Variants in LCLAT1 observed in about 807,000 individuals in gnomAD.
The protein encoded by LCLAT1 is 1-AGP acyltransferase 8.
LCLAT1 carries 11 observed loss-of-function variants against 30.7 expected under a neutral mutation model. The ratio of observed to expected loss-of-function variants is 0.36; its 90% CI spans 0.23 to 0.59. The LOEUF (loss-of-function observed/expected upper bound fraction) is 0.59, where lower values mean the gene tolerates loss of function less well. LCLAT1 is among the 20% of genes least tolerant of loss of function. The pLI is 0.77. For missense variants in LCLAT1, 402 were observed against 458.6 expected (o/e 0.88, Z 1.13); for synonymous variants, 155 against 151.3 (o/e 1.02, Z -0.18).
At chr2:30,459,531 TC>T in intron 1 of LCLAT1, 1 of 912,034 alleles carries the variant, frequency 1.1e-6, no homozygotes. Context: ...TCTTTTTTTC[TC>T]CCATTTGTCC....
chr2:30,566,982 C>G (rs1665515032), intron 4 of LCLAT1, among the ~76,000 whole-genome samples: 1 of 152,182 alleles, frequency 6.6e-6, no homozygotes, highest in Non-Finnish European at 1.5e-5. Flanking sequence ...TATTAACATA[C>G]TCTGTGCCTG....
At chr2:30,525,463 A>C in intron 1 of LCLAT1, 124 bp from the exon 2 acceptor site, 1 of 733,468 alleles carries the variant, frequency 1.4e-6, no homozygotes, top group Non-Finnish European at 2.3e-6. Flanking sequence ...AGACTCTTAT[A>C]TTGTTTCTTA....
intron 1 of LCLAT1, among the ~76,000 whole-genome samples, chr2:30,464,181 T>C (rs1682309249): frequency 6.6e-6 from 1 of 152,200 alleles, no homozygotes; most frequent in African/African-American, 2.4e-5. Context: ...ATGCTACATA[T>C]TAGTCTGATT....
At chr2:30,453,385 G>A (rs1572461621) in intron 1 of LCLAT1, among the ~76,000 whole-genome samples, 1 of 152,142 alleles carries the variant, frequency 6.6e-6, no homozygotes, top group Non-Finnish European at 1.5e-5. Context: ...GGAATGTTTA[G>A]GTATCTTGGG....
At chr2:30,531,426 G>C (rs1186357264) in intron 2 of LCLAT1, among the ~76,000 whole-genome samples, 2 of 152,152 alleles carry the variant, frequency 1.3e-5, no homozygotes, top group African/African-American at 4.8e-5. Flanking sequence ...GGACCCTTTT[G>C]AAAATTTGAT....
intron 3 of LCLAT1, among the ~76,000 whole-genome samples, chr2:30,551,298 C>A (rs867896803): frequency 6.6e-6 from 1 of 152,204 alleles, no homozygotes; most frequent in Non-Finnish European, 1.5e-5. Context: ...TGAGCCACTG[C>A]GCCTAGCCTG....
intron 1 of LCLAT1, among the ~76,000 whole-genome samples, chr2:30,508,264 G>C (rs1403071920): frequency 1.3e-5 from 2 of 152,006 alleles, no homozygotes; most frequent in African/African-American, 4.8e-5. Context: ...TTCTTTTGCT[G>C]TGCAAAAGTT....
At chr2:30,594,904 TTAATATATACC>T (rs1362142669) in intron 5 of LCLAT1, among the ~76,000 whole-genome samples, 1 of 152,222 alleles carries the variant, frequency 6.6e-6, no homozygotes, top group African/African-American at 2.4e-5. Context: ...AAGCATTATT[TTAATATATACC>T]TATATTTTCC....
intron 3 of LCLAT1, among the ~76,000 whole-genome samples, chr2:30,533,899 T>C (rs965298349): frequency 6.6e-6 from 1 of 152,196 alleles, no homozygotes; most frequent in African/African-American, 2.4e-5. Context: ...TATTTCAACA[T>C]TGCATGTTAA....
chr2:30,469,257 A>G (rs1682639526), intron 1 of LCLAT1, among the ~76,000 whole-genome samples: 1 of 148,016 alleles, frequency 6.8e-6, no homozygotes, highest in Admixed American at 6.7e-5. Flanking sequence ...AGTCCAGTTG[A>G]TTTTTTTTTT....
chr2:30,601,257 T>C (rs377201932), intron 5 of LCLAT1, among the ~76,000 whole-genome samples: 2 of 152,204 alleles, frequency 1.3e-5, no homozygotes, highest in Non-Finnish European at 2.9e-5. Context: ...TGAAGTTCAT[T>C]ATTACCCATA....
chr2:30,599,855 G>GGTCTT (rs1225053861), intron 5 of LCLAT1, among the ~76,000 whole-genome samples: 2 of 151,722 alleles, frequency 1.3e-5, no homozygotes, highest in Non-Finnish European at 2.9e-5. Flanking sequence ...ATGTGAGATG[G>GGTCTT]GTCTTGTCTT....
At chr2:30,465,168 T>C (rs1479899455) in intron 1 of LCLAT1, among the ~76,000 whole-genome samples, 1 of 152,208 alleles carries the variant, frequency 6.6e-6, no homozygotes, top group African/African-American at 2.4e-5. Context: ...AGGGCACTTA[T>C]CCTGGATTAT....
At chr2:30,587,789 C>T (rs2148474338) in intron 5 of LCLAT1, among the ~76,000 whole-genome samples, 1 of 151,712 alleles carries the variant, frequency 6.6e-6, no homozygotes, top group South Asian at 2.1e-4. Flanking sequence ...GAGCTGTCCT[C>T]TTAGACAAAT....
intron 1 of LCLAT1, chr2:30,447,588 T>G: frequency 6.6e-6 from 1 of 151,866 alleles, no homozygotes; most frequent in Non-Finnish European, 1.5e-5. Flanking sequence ...CTGGCTCAGG[T>G]GGAAGGAGGC....
intron 5 of LCLAT1, among the ~76,000 whole-genome samples, chr2:30,572,360 G>T (rs116744450): frequency 3.3e-5 from 5 of 152,174 alleles, no homozygotes; most frequent in African/African-American, 9.7e-5. Flanking sequence ...AGTTGTGCAC[G>T]TTTCTTTACC....
At chr2:30,567,240 T>C (rs1665528134) in intron 4 of LCLAT1, among the ~76,000 whole-genome samples, 1 of 152,220 alleles carries the variant, frequency 6.6e-6, no homozygotes, top group Non-Finnish European at 1.5e-5. Flanking sequence ...TTTCATGAAA[T>C]CTTTTAAACA....
intron 5 of LCLAT1, among the ~76,000 whole-genome samples, chr2:30,626,612 A>G (rs1362839185): frequency 6.6e-6 from 1 of 152,022 alleles, no homozygotes; most frequent in Non-Finnish European, 1.5e-5. Context: ...TAACTTCTGC[A>G]TTTATTTTTT....
intron 3 of LCLAT1, among the ~76,000 whole-genome samples, chr2:30,536,740 G>A (rs1407243884): frequency 1.3e-5 from 2 of 152,102 alleles, no homozygotes; most frequent in East Asian, 1.9e-4. Context: ...GGACTCAAAC[G>A]TTAACACTAC....
Sources: gnomAD v4.1 joint callset for allele counts (sites outside exome capture counted in the v4.1 genomes callset) on GRCh38, gnomAD v4.1.1 for gene constraint, MANE v1.5 for transcripts, NCBI Gene and HGNC (gene_info 2026-07-23, HGNC 2026-07-21) for gene names.